WEE1: variants seen among roughly 807,000 people sequenced by gnomAD.
WEE1 encodes wee1-like protein kinase.
Under a neutral mutation model 68.8 loss-of-function variants are expected in WEE1, and 16 were observed. The ratio of observed to expected loss-of-function variants is 0.23; its 90% CI spans 0.16 to 0.35. WEE1 has a LOEUF of 0.35. Ranked by LOEUF, WEE1 falls within the 10% of genes least tolerant of loss-of-function variation. The pLI, the probability that WEE1 is intolerant of heterozygous loss-of-function variation, is 1.00. For synonymous variants in WEE1, 349 were observed against 318.7 expected (o/e 1.09, Z -1.01); for missense variants, 651 against 824.1 (o/e 0.79, Z 2.57).
chr11:9,578,256 A>G lies in WEE1; in HGVS notation c.1141+993A>G, dbSNP rs541749915. ...TTTTGTTGATTCTTATTATTCCTTA[A>G]ATAAACAAGACCAGTTATCTCATAA... On this transcript the variant is annotated intron_variant, in intron 5 of 10. Coordinates refer to ENST00000450114, the MANE Select transcript of WEE1 (RefSeq NM_003390.4). The G allele has an allele frequency of 8.7e-5, 15 of 172,708 alleles. No individual in the cohort carries two copies. The South Asian group carries it at 1.7e-3, about 19-fold the overall frequency. 10.7% of individuals were successfully genotyped at this position (172,708 alleles called of 1,614,324 possible). A position where few individuals can be genotyped will look rare whatever the true frequency, so the allele number is the denominator to read the frequency against.
intron 6 of WEE1, among the ~76,000 whole-genome samples, chr11:9,584,882 C>G (rs1849683033): frequency 6.6e-6 from 1 of 152,116 alleles, no homozygotes; most frequent in African/African-American, 2.4e-5. Flanking sequence ...TTTGATCAGC[C>G]TGGCCAACAT....
intron 8 of WEE1, 44 bp from the exon 9 acceptor site, chr11:9,586,405 T>C: frequency 2.6e-6 from 4 of 1,548,258 alleles, no homozygotes; most frequent in Non-Finnish European, 2.6e-6. Flanking sequence ...TGTTTTATTT[T>C]GACCATGTTT....
In WEE1 at chr11:9,577,138, C is replaced by T; in HGVS notation, c.1020-4C>T. 2 of 1,599,098 alleles carry T rather than the reference C, an allele frequency of 1.3e-6. No homozygotes were observed. The highest frequency in any genetic ancestry group is 8.5e-7 in the Non-Finnish European group (1 of 1,175,104). ...CCATTCTATTAATCTCAAATTTCTT[C>T]TAGGCAGAACGCTTTGAGAGAAGTA... On this transcript the variant is annotated splice_region_variant and splice_polypyrimidine_tract_variant and intron_variant, in intron 4 of 10. Transcript: ENST00000450114.
Position 9,576,242 on chromosome 11 carries a change from A to G in WEE1, c.795A>G (p.Glu265=). The G allele has an allele frequency of 6.6e-7, 1 of 1,520,186 alleles. No homozygotes were observed. Among genetic ancestry groups the G allele is most frequent in the East Asian group, 2.5e-5 (1 of 40,754 alleles). The allele number at this position is 1,520,186 out of a possible 1,614,324, so 94.2% of individuals were successfully genotyped here. The change falls in exon 3 of 11, where the codon GAA becomes GAG. Residue 265 remains glutamate, a synonymous_variant. Coordinates refer to ENST00000450114, the MANE Select transcript of WEE1 (RefSeq NM_003390.4). This position sits in a 1 kb window ranked among gnomAD's most constrained non-coding sequence, Gnocchi z 4.3. The part of the protein sequence containing the change: ...KRTYWNDSCG[E]DMEASDYELE... ...ACATTTTTTTTAGTTCCTGTGGTGA[A>G]GACATGGAAGCCAGTGATTATGAGC...
Position 9,589,704 on chromosome 11 carries a change from TTG to T in WEE1, c.*1106_*1107del, listed in dbSNP as rs1344548047. The T allele has an allele frequency of 6.1e-6, 6 of 985,662 alleles. No homozygotes were observed. The highest frequency in any genetic ancestry group is 6.0e-6 in the Non-Finnish European group (5 of 829,828). 61.1% of individuals were successfully genotyped at this position (985,662 alleles called of 1,614,324 possible). A position where few individuals can be genotyped will look rare whatever the true frequency, so the allele number is the denominator to read the frequency against. Reference sequence around the variant, plus strand: ...AAACATGTTTGCACTTGTCTTTGACTTGTGTTTTATTAACATTGATTGGCATA... The same window carrying T: ...AAACATGTTTGCACTTGTCTTTGACTTGTTTTATTAACATTGATTGGCATA... On this transcript the variant is annotated 3_prime_UTR_variant, in exon 11 of 11. Transcript: ENST00000450114.
At chr11:9,577,607 T>G (rs1849578313) in intron 5 of WEE1, 1 of 325,154 alleles carries the variant, frequency 3.1e-6, no homozygotes, top group Non-Finnish European at 5.9e-6. Context: ...AATAGATTCT[T>G]CCTGTGTCTG....
rs1261740249 is a variant in WEE1 at position 9,576,189 on chromosome 11, A to G, written c.783-41A>G. 1.8e-5 allele frequency: 29 copies of G among 1,583,758 alleles called. No homozygotes were observed. The highest frequency in any genetic ancestry group is 2.2e-5 in the Non-Finnish European group (26 of 1,160,356). ...AGTTCCTATTTAATGGCATGGATGT[A>G]TCTGTCAGATATATTGATAGAAAAA... On this transcript the variant is annotated intron_variant, in intron 2 of 10. Coordinates refer to ENST00000450114, the MANE Select transcript of WEE1 (RefSeq NM_003390.4). This position sits in a 1 kb window ranked among gnomAD's most constrained non-coding sequence, Gnocchi z 4.3.
At chr11:9,582,230 A>T (rs1404602236) in intron 6 of WEE1, among the ~76,000 whole-genome samples, 1 of 152,246 alleles carries the variant, frequency 6.6e-6, no homozygotes, top group Non-Finnish European at 1.5e-5. Flanking sequence ...CATGCATTGC[A>T]TCTGGTTATA....
In WEE1 at chr11:9,586,764, G is replaced by A. The variant is rs761901228; in HGVS notation, c.1695G>A (p.Lys565=). 1 of 1,613,996 alleles carries A rather than the reference G, an allele frequency of 6.2e-7. No individual in the cohort carries two copies. Among genetic ancestry groups the A allele is most frequent in the African/African-American group, 1.3e-5 (1 of 74,940 alleles). The change falls in exon 10 of 11, where the codon AAG becomes AAA. Residue 565 remains lysine (K), a synonymous_variant. Coordinates refer to ENST00000450114, the MANE Select transcript of WEE1 (RefSeq NM_003390.4). ...ERRPSAMALV[K]HSVLLSASRK... ...GACCTTCAGCAATGGCACTGGTAAA[G>A]CATTCAGTATTGCTGTCCGCTTCTA...
chr11:9,581,771 G>C, intron 6 of WEE1, 93 bp downstream of exon 6: 1 of 1,289,622 alleles, frequency 7.8e-7, no homozygotes, highest in Non-Finnish European at 1.1e-6. Context: ...TATATCTTCT[G>C]TTTTCTCATT....
rs56201530 is a variant in WEE1 at position 9,588,551 on chromosome 11, T to C, written c.1890T>C (p.Ser630=). ...CCACCACCCAGAGTAATAGAACATC[T>C]CGACTTATTGGAAAGAAAATGAACC... ...TRSTTQSNRT[S]RLIGKKMNRS... is the part of the protein sequence containing the mutation. The change falls in exon 11 of 11, where the codon TCT becomes TCC. Residue 630 remains serine (S), a synonymous_variant. Transcript: ENST00000450114. 5 of 1,611,098 alleles carry C rather than the reference T, an allele frequency of 3.1e-6. No individual in the cohort carries two copies. In the East Asian group the frequency reaches 1.1e-4, roughly 36 times the overall value.
intron 10 of WEE1, 112 bp downstream of exon 10, chr11:9,586,968 G>A: frequency 8.0e-7 from 1 of 1,245,326 alleles, no homozygotes; most frequent in Non-Finnish European, 1.1e-6. Context: ...GGTTTTTTGT[G>A]TTTTTTGTTT....
chr11:9,586,472 A>G lies in WEE1; in HGVS notation c.1494A>G (p.Ala498=). Reference sequence around the variant, plus strand: ...AGAATTATACCCATCTACCAAAAGCAGATATTTTTGCGCTTGCCCTCACAG... The same window carrying G: ...AGAATTATACCCATCTACCAAAAGCGGATATTTTTGCGCTTGCCCTCACAG... ...LQENYTHLPK[A]DIFALALTVV... is the part of the protein sequence containing the mutation. The change falls in exon 9 of 11, where the codon GCA becomes GCG. Residue 498 remains alanine, a synonymous_variant. Transcript: ENST00000450114. 6.2e-7 allele frequency: 1 copy of G among 1,613,618 alleles called. No individual in the cohort carries two copies. Among genetic ancestry groups the G allele is most frequent in the South Asian group, 1.1e-5 (1 of 91,018 alleles).
At position 9,585,292 on chromosome 11, in the gene WEE1, T is replaced by C; in HGVS notation, c.1323T>C (p.Asn441=). The change falls in exon 7 of 11, where the codon AAT becomes AAC. Residue 441 remains asparagine (N), a synonymous_variant. Coordinates refer to ENST00000450114, the MANE Select transcript of WEE1 (RefSeq NM_003390.4). ...NIFISRTSIP[N]AASEEGDEDD... ...TCATATCTCGAACCTCAATCCCAAA[T>C]GCTGCCTCTGAAGAAGGAGACGAAG... 6.2e-7 allele frequency: 1 copy of C among 1,614,150 alleles called. No homozygotes were observed. Among genetic ancestry groups the C allele is most frequent in the Non-Finnish European group, 8.5e-7 (1 of 1,179,996 alleles).
chr11:9,587,975 ATT>A (rs35877818), intron 10 of WEE1, among the ~76,000 whole-genome samples: 11 of 150,910 alleles, frequency 7.3e-5, no homozygotes, highest in Middle Eastern at 3.4e-3. Context: ...TTTATTTTTA[ATT>A]TTTTTTTTAT....
chr11:9,581,165 G>T, intron 5 of WEE1: 1 of 189,612 alleles, frequency 5.3e-6, no homozygotes, highest in Non-Finnish European at 1.1e-5. Context: ...GTGGGATCAA[G>T]CCTGTGAATA....
rs1175151848 is a variant in WEE1 at position 9,585,435 on chromosome 11, C to T, written c.1385-7C>T. On this transcript the variant is annotated splice_region_variant and splice_polypyrimidine_tract_variant and intron_variant, in intron 7 of 10. Coordinates refer to ENST00000450114, the MANE Select transcript of WEE1 (RefSeq NM_003390.4). ...GCTCTTCACTGTAAGTTTTTCAATA[C>T]TTCTAGGTGATCTTGGGCATGTAAC... 2 of 1,608,434 alleles carry T rather than the reference C, an allele frequency of 1.2e-6. No homozygotes were observed. Among genetic ancestry groups the T allele is most frequent in the Non-Finnish European group, 1.7e-6 (2 of 1,178,354 alleles).
intron 10 of WEE1, among the ~76,000 whole-genome samples, chr11:9,587,148 T>C (rs1849709689): frequency 6.6e-6 from 1 of 152,086 alleles, no homozygotes; most frequent in Non-Finnish European, 1.5e-5. Flanking sequence ...TTTGTAGAGA[T>C]GGGGTTTTTG....
intron 5 of WEE1, chr11:9,578,005 A>G: frequency 2.4e-6 from 1 of 408,830 alleles, no homozygotes; most frequent in South Asian, 1.8e-5. Flanking sequence ...TTATATACCA[A>G]ATCTTTTATG....
Sources: allele counts gnomAD v4.1 joint callset (sites outside exome capture counted in the v4.1 genomes callset), GRCh38; gene constraint gnomAD v4.1.1; non-coding constraint Gnocchi (gnomAD v3.1); transcripts MANE v1.5; gene names NCBI Gene and HGNC (gene_info 2026-07-23, HGNC 2026-07-21).